Variants in HS3ST4 observed in about 807,000 individuals in gnomAD.
The protein encoded by HS3ST4 is heparan sulfate-glucosamine 3-sulfotransferase 4, also known as heparan sulfate glucosamine 3-O-sulfotransferase 4.
In HS3ST4, 17 loss-of-function variants were observed where a neutral mutation model predicts 29.2. The observed-to-expected ratio is 0.58, with a 90% CI of 0.40 to 0.87. The LOEUF is 0.87. HS3ST4 is among the 40% of genes least tolerant of loss of function. HS3ST4 has a pLI of 0.00. For synonymous variants in HS3ST4, 314 were observed against 285.7 expected (o/e 1.10, Z -1.00); for missense variants, 627 against 634.5 (o/e 0.99, Z 0.13).
chr16:25,771,767 G>A (rs1308013332), intron 1 of HS3ST4, among the ~76,000 whole-genome samples: 2 of 152,214 alleles, frequency 1.3e-5, no homozygotes, highest in Non-Finnish European at 2.9e-5. Context: ...CTGGAACAGA[G>A]TAGGTGCTCA....
intron 1 of HS3ST4, among the ~76,000 whole-genome samples, chr16:25,894,397 C>T (rs1968039235): frequency 6.6e-6 from 1 of 152,110 alleles, no homozygotes; most frequent in African/African-American, 2.4e-5. Flanking sequence ...AAAAGCAGAT[C>T]CGAAAGCAGA....
rs531503586 is a variant in HS3ST4 at position 25,988,290 on chromosome 16, C to T, written c.735-147322C>T. Among the ~76,000 whole-genome samples, 4 of 152,310 alleles carry T rather than the reference C, an allele frequency of 2.6e-5. No individual in the cohort carries two copies. The South Asian group carries it at 6.2e-4, about 24-fold the overall frequency. The stretch of plus-strand genomic sequence containing the variant: ...GGAATGTAAACATCTCCGGCTTCCT[C>T]CCATGGGTGCTGGCTCAGTGCCTGC... On this transcript the variant is annotated intron_variant, in intron 1 of 1. Transcript: ENST00000331351.
rs181712839 is a variant in HS3ST4 at position 26,047,508 on chromosome 16, T to A, written c.735-88104T>A. Among the ~76,000 whole-genome samples, 350 of 152,314 alleles carry A rather than the reference T, an allele frequency of 2.3e-3. 1 individual carries two copies. Among genetic ancestry groups the A allele is most frequent in the South Asian group, 4.8e-3 (23 of 4,826 alleles). ...TGCCCAGGAAGTCTCCCTTATCTAGTTTAATCCTTAAAACAACCTTGAAGG... is the reference window on the plus strand; with the variant it reads ...TGCCCAGGAAGTCTCCCTTATCTAGATTAATCCTTAAAACAACCTTGAAGG... On this transcript the variant is annotated intron_variant, in intron 1 of 1. Coordinates refer to ENST00000331351, the MANE Select transcript of HS3ST4 (RefSeq NM_006040.3).
At chr16:26,069,576 C>T (rs1692595301) in intron 1 of HS3ST4, among the ~76,000 whole-genome samples, 1 of 150,632 alleles carries the variant, frequency 6.6e-6, no homozygotes, top group Non-Finnish European at 1.5e-5. Context: ...TTTTATTATA[C>T]TTTAAGTTCT....
chr16:26,003,676 T>C (rs1969231861), intron 1 of HS3ST4, among the ~76,000 whole-genome samples: 1 of 152,206 alleles, frequency 6.6e-6, no homozygotes, highest in Admixed American at 6.5e-5. Context: ...CTGGCCACTA[T>C]GGTCAGTGGA....
intron 1 of HS3ST4, chr16:26,032,859 C>G (rs1214638892): frequency 2.6e-6 from 4 of 1,551,182 alleles, no homozygotes; most frequent in Admixed American, 1.7e-5. Context: ...ACGCGGGATG[C>G]AGTGGCGCGC....
intron 1 of HS3ST4, among the ~76,000 whole-genome samples, chr16:25,914,197 T>C (rs1968269168): frequency 6.9e-6 from 1 of 145,744 alleles, no homozygotes; most frequent in Non-Finnish European, 1.5e-5. Flanking sequence ...GTGTGTGGAG[T>C]GTGTGTGTGT....
At chr16:25,800,917 T>C (rs1388293476) in intron 1 of HS3ST4, among the ~76,000 whole-genome samples, 1 of 152,166 alleles carries the variant, frequency 6.6e-6, no homozygotes, top group Non-Finnish European at 1.5e-5. Flanking sequence ...ACCTTGATCT[T>C]GGACTTCCCA....
At chr16:25,736,171 A>T (rs1240194597) in intron 1 of HS3ST4, among the ~76,000 whole-genome samples, 1 of 152,168 alleles carries the variant, frequency 6.6e-6, no homozygotes, top group African/African-American at 2.4e-5. Flanking sequence ...AGGTCAAAGG[A>T]TATTTTTCCA....
chr16:25,962,856 A>G lies in HS3ST4; in HGVS notation c.735-172756A>G, dbSNP rs962847640. On this transcript the variant is annotated intron_variant, in intron 1 of 1. Transcript: ENST00000331351. ...CTCTCATGTACTTTCTCATAAGTTT[A>G]TTGTAACTAAATAAATTAATGCATG... 8.5e-5 allele frequency among the ~76,000 whole-genome samples: 13 copies of G among 152,294 alleles called. No individual in the cohort carries two copies. In the East Asian group the frequency reaches 2.5e-3, roughly 29 times the overall value.
chr16:26,126,676 G>A (rs1899348352), intron 1 of HS3ST4, among the ~76,000 whole-genome samples: 1 of 152,166 alleles, frequency 6.6e-6, no homozygotes, highest in South Asian at 2.1e-4. Context: ...CCCCTGAGGG[G>A]GATGTGGCAG....
intron 1 of HS3ST4, among the ~76,000 whole-genome samples, chr16:26,037,791 T>A (rs62034510): frequency 0.087 from 13,245 of 152,180 alleles, 764 homozygotes; most frequent in East Asian, 0.23. Flanking sequence ...AGGGTGCCGC[T>A]ACTTAAAGAA....
chr16:25,933,311 GGTTA>G (rs1968484321), intron 1 of HS3ST4: 46 of 494,558 alleles, frequency 9.3e-5, no homozygotes, highest in South Asian at 6.8e-4. Context: ...GATTAGAAAA[GGTTA>G]GTTTCTCTAA....
At chr16:26,102,891 G>C (rs1455170749) in intron 1 of HS3ST4, among the ~76,000 whole-genome samples, 2 of 152,190 alleles carry the variant, frequency 1.3e-5, no homozygotes, top group African/African-American at 2.4e-5. Context: ...AGTGATTCAA[G>C]AGCCCAAGCT....
At chr16:25,994,753 A>G (rs1406653403) in intron 1 of HS3ST4, among the ~76,000 whole-genome samples, 1 of 152,242 alleles carries the variant, frequency 6.6e-6, no homozygotes, top group Non-Finnish European at 1.5e-5. Context: ...TTTAGCAGCC[A>G]CAATCTCATT....
intron 1 of HS3ST4, among the ~76,000 whole-genome samples, chr16:25,918,278 G>A (rs569172489): frequency 1.3e-5 from 2 of 152,318 alleles, no homozygotes; most frequent in East Asian, 3.9e-4. Context: ...TTGTCACCAT[G>A]TTGTGGATGA....
chr16:26,078,230 TC>T (rs1176494736), intron 1 of HS3ST4, among the ~76,000 whole-genome samples: 1 of 152,206 alleles, frequency 6.6e-6, no homozygotes, highest in Non-Finnish European at 1.5e-5. Flanking sequence ...AAGCTCTGCC[TC>T]CCAGGTTCAT....
At chr16:25,999,634 A>G (rs1969187708) in intron 1 of HS3ST4, among the ~76,000 whole-genome samples, 1 of 150,038 alleles carries the variant, frequency 6.7e-6, no homozygotes, top group South Asian at 2.1e-4. Flanking sequence ...TGTAATTTAA[A>G]ATCCATAATA....
chr16:26,059,236 G>A (rs1340943141), intron 1 of HS3ST4, among the ~76,000 whole-genome samples: 3 of 152,016 alleles, frequency 2.0e-5, no homozygotes, highest in Non-Finnish European at 4.4e-5. Context: ...AGGTGGGGCT[G>A]TATTTGGGCT....
Sources: allele counts gnomAD v4.1 joint callset (sites outside exome capture counted in the v4.1 genomes callset), GRCh38; gene constraint gnomAD v4.1.1; transcripts MANE v1.5; gene names NCBI Gene and HGNC (gene_info 2026-07-23, HGNC 2026-07-21).